NXPH2: variants seen among roughly 807,000 people sequenced by gnomAD.
The protein encoded by NXPH2 is neurexophilin 2.
A neutral mutation model predicts 19.8 loss-of-function variants in NXPH2; 5 were observed. The ratio of observed to expected loss-of-function variants is 0.25; its 90% confidence interval spans 0.13 to 0.53. The LOEUF (loss-of-function observed/expected upper bound fraction) is 0.53. NXPH2 is among the 20% of genes least tolerant of loss of function. NXPH2 has a pLI of 0.96. For missense variants in NXPH2, 289 were observed against 322.8 expected (o/e 0.90, Z 0.80); for synonymous variants, 154 against 127.4 (o/e 1.21, Z -1.41).
chr2:138,681,053 C>T (rs539987324), intron 1 of NXPH2, among the ~76,000 whole-genome samples: 2 of 152,244 alleles, frequency 1.3e-5, no homozygotes, highest in Admixed American at 1.3e-4. Context: ...ACCTTTCTAC[C>T]TCCAAAGAGC....
chr2:138,701,372 G>A (rs1047108640), intron 1 of NXPH2, among the ~76,000 whole-genome samples: 6 of 152,156 alleles, frequency 3.9e-5, no homozygotes, highest in Non-Finnish European at 7.4e-5. Flanking sequence ...CAGAAAAACA[G>A]AGCGGGTTTT....
At chr2:138,745,482 T>G (rs1681710711) in intron 1 of NXPH2, among the ~76,000 whole-genome samples, 1 of 73,704 alleles carries the variant, frequency 1.4e-5, no homozygotes, top group Non-Finnish European at 3.0e-5. Flanking sequence ...ATCCTTTTCT[T>G]CTTTTTTTGG....
Position 138,671,202 on chromosome 2 carries a change from G to A in NXPH2, c.515C>T (p.Ser172Phe). The change falls in exon 2 of 2, where the codon TCC (serine) becomes TTC (phenylalanine). Residue 172 changes from serine to phenylalanine, a missense_variant. Transcript: ENST00000272641. ...PPSKVVEFEV[S>F]PQSTLETKES... ...CTTGGTCTCCAAGGTAGACTGGGGG[G>A]AAACTTCAAATTCCACCACCTTGGA... 1 of 1,613,806 alleles carries A rather than the reference G, an allele frequency of 6.2e-7. No homozygotes were observed. Among genetic ancestry groups the A allele is most frequent in the Non-Finnish European group, 8.5e-7 (1 of 1,179,812 alleles).
rs111726381 is a variant in NXPH2, at chr2:138,702,770, GAAC to G, written c.52-31108_52-31106del. Among the ~76,000 whole-genome samples the G allele has an allele frequency of 1.8e-3, 272 of 152,074 alleles. 1 individual carries two copies. Among genetic ancestry groups the G allele is most frequent in the African/African-American group, 6.2e-3 (259 of 41,504 alleles). ...TGAGAACTAAATTGCCAGGTGCTAA[GAAC>G]AACAACAACAACAACAAAAAGTGAA... On this transcript the variant is annotated intron_variant, in intron 1 of 1. Coordinates refer to ENST00000272641, the MANE Select transcript of NXPH2 (RefSeq NM_007226.3).
At chr2:138,675,683 A>T (rs1420401085) in intron 1 of NXPH2, among the ~76,000 whole-genome samples, 1 of 152,120 alleles carries the variant, frequency 6.6e-6, no homozygotes, top group African/African-American at 2.4e-5. Flanking sequence ...AGATAAATTG[A>T]GTGTCATTAT....
At chr2:138,718,431 G>A (rs139863207) in intron 1 of NXPH2, among the ~76,000 whole-genome samples, 1 of 152,114 alleles carries the variant, frequency 6.6e-6, no homozygotes, top group East Asian at 1.9e-4. Flanking sequence ...CTGGGATAAT[G>A]ACTATGAATT....
In NXPH2 at chr2:138,716,417, T is replaced by C. The variant is rs77780647; in HGVS notation, c.52-44752A>G. Among the ~76,000 whole-genome samples the C allele has an allele frequency of 8.8e-3, 1,346 of 152,224 alleles. 19 individuals carry two copies. Among genetic ancestry groups the C allele is most frequent in the African/African-American group, 0.031 (1,293 of 41,530 alleles). On this transcript the variant is annotated intron_variant, in intron 1 of 1. Coordinates refer to ENST00000272641, the MANE Select transcript of NXPH2 (RefSeq NM_007226.3). ...CCTCTCTCTGCAATGTGAGGCCTCA[T>C]TGAGAACACGGCCATCTGCAAAGCA...
intron 1 of NXPH2, among the ~76,000 whole-genome samples, chr2:138,714,290 T>C (rs1681156406): frequency 6.6e-6 from 1 of 152,176 alleles, no homozygotes; most frequent in South Asian, 2.1e-4. Flanking sequence ...ATTTTTGTAT[T>C]TTTGGCTCCC....
intron 1 of NXPH2, among the ~76,000 whole-genome samples, chr2:138,764,990 AT>A (rs1279884941): frequency 6.6e-6 from 1 of 152,204 alleles, no homozygotes; most frequent in Non-Finnish European, 1.5e-5. Flanking sequence ...TTAACCTTTG[AT>A]AGAAGCTAAG....
At chr2:138,712,955 C>G (rs1204370772) in intron 1 of NXPH2, among the ~76,000 whole-genome samples, 1 of 152,228 alleles carries the variant, frequency 6.6e-6, no homozygotes, top group African/African-American at 2.4e-5. Context: ...TCTTTCTTCT[C>G]TCAGCTATAT....
At chr2:138,702,366 C>A (rs1307583319) in intron 1 of NXPH2, among the ~76,000 whole-genome samples, 1 of 152,170 alleles carries the variant, frequency 6.6e-6, no homozygotes, top group Non-Finnish European at 1.5e-5. Context: ...GTGATCCTCT[C>A]ACCTTGGCTT....
chr2:138,707,094 C>CAAAAAAAAAAAAA (rs70982073), intron 1 of NXPH2, among the ~76,000 whole-genome samples: 2,461 of 34,708 alleles, frequency 0.071, 467 homozygotes, highest in African/African-American at 0.086. Context: ...TGCCCCATGA[C>CAAAAAAAAAAAAA]AAAAAAAAAA....
chr2:138,730,452 G>A (rs1054807392), intron 1 of NXPH2, among the ~76,000 whole-genome samples: 2 of 152,144 alleles, frequency 1.3e-5, no homozygotes, highest in African/African-American at 2.4e-5. Context: ...TTGGGGGCAC[G>A]ATTCAGCCCA....
chr2:138,677,859 AAT>A (rs1051007821), intron 1 of NXPH2, among the ~76,000 whole-genome samples: 20 of 152,334 alleles, frequency 1.3e-4, no homozygotes, highest in African/African-American at 4.8e-4. Flanking sequence ...AAAGCTGCAT[AAT>A]ACAGAGTTCC....
At chr2:138,700,342 A>G (rs1312844094) in intron 1 of NXPH2, among the ~76,000 whole-genome samples, 1 of 152,154 alleles carries the variant, frequency 6.6e-6, no homozygotes, top group South Asian at 2.1e-4. Flanking sequence ...AACCTTAACT[A>G]TTCAACAATC....
At position 138,768,048 on chromosome 2, in the gene NXPH2, T is replaced by C. The variant is rs571333790; in HGVS notation, c.51+12143A>G. On this transcript the variant is annotated intron_variant, in intron 1 of 1. Transcript: ENST00000272641. ...TTATAAATTTCGTTTCTAATAATTA[T>C]TTATTGTTCCCCAGTTGATCTTTCT... 2.6e-5 allele frequency among the ~76,000 whole-genome samples: 4 copies of C among 152,348 alleles called. No homozygotes were observed. In the East Asian group the frequency reaches 7.7e-4, roughly 29 times the overall value.
chr2:138,749,919 C>T (rs1210272132), intron 1 of NXPH2, among the ~76,000 whole-genome samples: 2 of 152,088 alleles, frequency 1.3e-5, no homozygotes, highest in Admixed American at 6.6e-5. Context: ...TTTGTTTCAT[C>T]ATTTCAAATG....
intron 1 of NXPH2, among the ~76,000 whole-genome samples, chr2:138,673,662 A>G (rs1680444569): frequency 6.8e-6 from 1 of 146,006 alleles, no homozygotes; most frequent in Admixed American, 6.8e-5. Context: ...TTTTTTTGGT[A>G]GAGATGGGGT....
rs201352357 is a variant in NXPH2, at chr2:138,682,673, A to G, written c.52-11008T>C. On this transcript the variant is annotated intron_variant, in intron 1 of 1. Coordinates refer to ENST00000272641, the MANE Select transcript of NXPH2 (RefSeq NM_007226.3). Reference sequence around the variant, plus strand: ...TAATAGCTACCCTTTACGTTATTCTAAATTGATACAGGAACTAACAGGAAA... The same window carrying G: ...TAATAGCTACCCTTTACGTTATTCTGAATTGATACAGGAACTAACAGGAAA... 3.3e-5 allele frequency among the ~76,000 whole-genome samples: 5 copies of G among 152,350 alleles called. No homozygotes were observed. In the East Asian group the frequency reaches 9.6e-4, roughly 29 times the overall value.
Sources: allele counts gnomAD v4.1 joint callset (sites outside exome capture counted in the v4.1 genomes callset), GRCh38; gene constraint gnomAD v4.1.1; transcripts MANE v1.5; gene names NCBI Gene and HGNC (gene_info 2026-07-23, HGNC 2026-07-21).